Variants in ZNF608 observed in about 807,000 individuals in gnomAD.
ZNF608 encodes the protein renal carcinoma antigen NY-REN-36.
Under a neutral mutation model 109.0 loss-of-function variants are expected in ZNF608, and 12 were observed. The ratio of observed to expected loss-of-function variants is 0.11; its 90% CI spans 0.07 to 0.18. The LOEUF is 0.18. Ranked by LOEUF, ZNF608 falls within the 10% of genes least tolerant of loss-of-function variation. The probability of loss-of-function intolerance (pLI) is 1.00; values close to 1 mark genes in which losing one functional copy is unlikely to be tolerated. For missense variants in ZNF608, 1,707 were observed against 1,879.3 expected, an observed-to-expected ratio of 0.91 and a Z score of 1.70; for synonymous variants, 732 against 717.4, an observed-to-expected ratio of 1.02 and a Z score of -0.33.
At chr5:124,674,451 T>A (rs1046738523) in intron 3 of ZNF608, among the ~76,000 whole-genome samples, 1 of 152,238 alleles carries the variant, frequency 6.6e-6, no homozygotes, top group Non-Finnish European at 1.5e-5. Context: ...CCTAGTTTAG[T>A]GGTTCTCAGT....
rs1333517221 is a variant in ZNF608, at chr5:124,697,673, T to G, written c.1162+3341A>C. ...CACAACTTGGTTCTTAGACAACCAGTACTTCATGTACTGGCAGTAACACTA... is the reference window on the plus strand; with the variant it reads ...CACAACTTGGTTCTTAGACAACCAGGACTTCATGTACTGGCAGTAACACTA... On this transcript the variant is annotated intron_variant, in intron 3 of 9. Coordinates refer to ENST00000513986, the MANE Select transcript of ZNF608 (RefSeq NM_020747.3). Among the ~76,000 whole-genome samples the G allele has an allele frequency of 2.0e-5, 3 of 152,320 alleles. No individual in the cohort carries two copies. In the East Asian group the frequency reaches 5.8e-4, roughly 29 times the overall value.
chr5:124,743,530 A>C (rs1193029146), intron 2 of ZNF608, among the ~76,000 whole-genome samples: 1 of 152,206 alleles, frequency 6.6e-6, no homozygotes, highest in Non-Finnish European at 1.5e-5. Flanking sequence ...ATCCTTTCAC[A>C]GTACTATTTT....
intron 2 of ZNF608, among the ~76,000 whole-genome samples, chr5:124,718,058 A>G (rs1753773934): frequency 6.6e-6 from 1 of 152,170 alleles, no homozygotes; most frequent in Non-Finnish European, 1.5e-5. Flanking sequence ...TCACAATCTG[A>G]GCACAGGCCC....
chr5:124,703,571 G>A (rs1753141300), intron 2 of ZNF608, among the ~76,000 whole-genome samples: 1 of 152,098 alleles, frequency 6.6e-6, no homozygotes, highest in Admixed American at 6.5e-5. Context: ...TTGGAGACCA[G>A]CCTGAGCAAC....
At chr5:124,726,465 T>G (rs1754143411) in intron 2 of ZNF608, among the ~76,000 whole-genome samples, 2 of 152,054 alleles carry the variant, frequency 1.3e-5, no homozygotes, top group Non-Finnish European at 2.9e-5. Flanking sequence ...CTTTCACAAC[T>G]CCACATATAT....
chr5:124,708,154 T>C (rs1417509127), intron 2 of ZNF608: 1 of 152,260 alleles, frequency 6.6e-6, no homozygotes, highest in Non-Finnish European at 1.5e-5. Flanking sequence ...GTCCATGGGC[T>C]TTCTCATAAA....
intron 3 of ZNF608, among the ~76,000 whole-genome samples, chr5:124,667,902 C>A (rs1043742198): frequency 2.0e-5 from 3 of 152,052 alleles, no homozygotes; most frequent in African/African-American, 7.2e-5. Flanking sequence ...GACACCGGTG[C>A]AAAGAGAGTG....
At chr5:124,699,150 C>T (rs768494400) in intron 3 of ZNF608, among the ~76,000 whole-genome samples, 1 of 152,202 alleles carries the variant, frequency 6.6e-6, no homozygotes, top group East Asian at 1.9e-4. Flanking sequence ...AACAAATTCA[C>T]TGTGACCTTA....
intron 2 of ZNF608, among the ~76,000 whole-genome samples, chr5:124,709,425 T>A (rs927079171): frequency 2.0e-5 from 3 of 152,214 alleles, no homozygotes; most frequent in African/African-American, 7.2e-5. Context: ...AAAGATGGAA[T>A]ATAATTAAAC....
chr5:124,647,904 G>A lies in ZNF608; in HGVS notation c.2480C>T (p.Thr827Met), dbSNP rs753973455. ...CTTGGCATCCATTTTTGGGCTTCCC[G>A]TCTCTTTCCCTTCTTTGTCCTTTAG... ...RKLKDKEGKE[T>M]GSPKMDAKLG... is the part of the protein sequence containing the mutation. The change falls in exon 5 of 10, where the codon ACG (threonine) becomes ATG (methionine). Residue 827 changes from threonine to methionine, a missense_variant. Around this residue, in one of 7 missense-constraint regions of ZNF608, gnomAD observed 1,073 missense variants for 1,133.5 expected, o/e 0.95. Coordinates refer to ENST00000513986, the MANE Select transcript of ZNF608 (RefSeq NM_020747.3). 2.7e-5 allele frequency: 44 copies of A among 1,614,008 alleles called. No homozygotes were observed. The highest frequency in any genetic ancestry group is 1.6e-4 in the Middle Eastern group (1 of 6,084).
chr5:124,676,846 T>G (rs1751965895), intron 3 of ZNF608, among the ~76,000 whole-genome samples: 2 of 152,178 alleles, frequency 1.3e-5, no homozygotes, highest in African/African-American at 4.8e-5. Flanking sequence ...CATGCAAAAC[T>G]AAGCAATGCA....
At chr5:124,638,782 C>A in intron 9 of ZNF608, 1 of 1,040,668 alleles carries the variant, frequency 9.6e-7, no homozygotes, top group Non-Finnish European at 1.2e-6. Flanking sequence ...CAAACATTAC[C>A]TTTAGCATTA....
At chr5:124,683,596 G>A (rs79063506) in intron 3 of ZNF608, among the ~76,000 whole-genome samples, 4,343 of 152,244 alleles carry the variant, frequency 0.029, 141 homozygotes, top group East Asian at 0.12. Context: ...AGTTGCTTCC[G>A]GAAAGTAGAA....
At chr5:124,645,565 G>T (rs1305725243) in intron 5 of ZNF608, among the ~76,000 whole-genome samples, 1 of 151,598 alleles carries the variant, frequency 6.6e-6, no homozygotes, top group Non-Finnish European at 1.5e-5. Flanking sequence ...TCTAAGCATG[G>T]GGGTGAGGGT....
At chr5:124,743,972 C>T in intron 2 of ZNF608, 112 bp downstream of exon 2, 1 of 1,442,118 alleles carries the variant, frequency 6.9e-7, no homozygotes, top group Non-Finnish European at 9.3e-7. Flanking sequence ...ATAGAAATCT[C>T]ACAAAGAACC....
chr5:124,703,691 C>T (rs2149854270), intron 2 of ZNF608, among the ~76,000 whole-genome samples: 1 of 152,188 alleles, frequency 6.6e-6, no homozygotes, highest in Middle Eastern at 3.4e-3. Context: ...ACAACTGAGC[C>T]CAAGAATTCA....
At chr5:124,649,173 A>G in intron 4 of ZNF608, 40 bp from the exon 5 acceptor site, 3 of 1,497,062 alleles carry the variant, frequency 2.0e-6, no homozygotes, top group Admixed American at 2.3e-5. Context: ...GAGCATCCCC[A>G]AAAGAGCCAG....
At chr5:124,736,144 G>A (rs1416137288) in intron 2 of ZNF608, among the ~76,000 whole-genome samples, 1 of 152,094 alleles carries the variant, frequency 6.6e-6, no homozygotes, top group African/African-American at 2.4e-5. Flanking sequence ...CAAAGATTCA[G>A]CTCTAATTTC....
intron 2 of ZNF608, among the ~76,000 whole-genome samples, chr5:124,702,042 C>T (rs1366246663): frequency 6.6e-6 from 1 of 152,210 alleles, no homozygotes; most frequent in Non-Finnish European, 1.5e-5. Context: ...CAGCCAACTA[C>T]AAGATCTTGT....
Sources: allele counts gnomAD v4.1 joint callset (sites outside exome capture counted in the v4.1 genomes callset), GRCh38; gene constraint gnomAD v4.1.1; regional missense constraint gnomAD v4.1.1; transcripts MANE v1.5; gene names NCBI Gene and HGNC (gene_info 2026-07-23, HGNC 2026-07-21).